Variants in PHF14 observed in about 807,000 individuals in gnomAD.
The protein encoded by PHF14 is PHD finger protein 14.
A neutral mutation model predicts 117.9 loss-of-function variants in PHF14; 55 were observed. The observed-to-expected ratio is 0.47, with a 90% CI of 0.38 to 0.58. The LOEUF is 0.58. PHF14 is among the 20% of genes least tolerant of loss of function. PHF14 has a pLI of 0.00. For missense variants in PHF14, 978 were observed against 1,122.2 expected, an observed-to-expected ratio of 0.87 and a Z score of 1.84; for synonymous variants, 409 against 368.6, an observed-to-expected ratio of 1.11 and a Z score of -1.26.
chr7:11,069,937 ATTCT>A (rs1785556942), intron 16 of PHF14, among the ~76,000 whole-genome samples: 1 of 151,362 alleles, frequency 6.6e-6, no homozygotes, highest in Admixed American at 6.6e-5. Context: ...GTGTTCCCTT[ATTCT>A]TTGTTTTTAA....
chr7:11,088,398 ACACAAACACACACACACACG>A (rs1181989654), intron 16 of PHF14, among the ~76,000 whole-genome samples: 1 of 109,340 alleles, frequency 9.1e-6, no homozygotes, highest in Non-Finnish European at 1.8e-5. Flanking sequence ...GTTCACATAC[ACACAAACACACACACACACG>A]CACACACACA....
intron 17 of PHF14, among the ~76,000 whole-genome samples, chr7:11,126,970 TCC>T (rs754611202): frequency 1.3e-5 from 2 of 152,092 alleles, no homozygotes; most frequent in Non-Finnish European, 2.9e-5. Flanking sequence ...TGCTCTTAAT[TCC>T]AAGACAAGGT....
At chr7:11,105,322 A>G (rs1255710902) in intron 16 of PHF14, 1 of 937,210 alleles carries the variant, frequency 1.1e-6, no homozygotes. Context: ...AATAAATAAT[A>G]AAATATTTAC....
chr7:11,016,883 A>T (rs1373504395), intron 5 of PHF14, among the ~76,000 whole-genome samples: 2 of 151,704 alleles, frequency 1.3e-5, no homozygotes, highest in African/African-American at 4.8e-5. Context: ...TCCCCCCACC[A>T]TTTCACCCTT....
At chr7:11,014,902 T>TA (rs1407949621) in intron 5 of PHF14, 2 of 151,642 alleles carry the variant, frequency 1.3e-5, no homozygotes, top group African/African-American at 2.4e-5. Context: ...TTTTTTTTTT[T>TA]ACAGGAGACT....
At chr7:11,138,216 A>AT (rs1408317355) in intron 17 of PHF14, among the ~76,000 whole-genome samples, 30 of 151,528 alleles carry the variant, frequency 2.0e-4, no homozygotes, top group Middle Eastern at 6.8e-3. Flanking sequence ...AATTTTTTGT[A>AT]TTTTTTAGTA....
intron 16 of PHF14, among the ~76,000 whole-genome samples, chr7:11,079,226 T>A (rs1000621731): frequency 3.9e-4 from 60 of 152,316 alleles, no homozygotes; most frequent in Non-Finnish European, 6.6e-4. Context: ...TGACCTCATG[T>A]ATTATTAATA....
At chr7:11,142,247 C>G (rs948960182) in intron 17 of PHF14, among the ~76,000 whole-genome samples, 2 of 151,962 alleles carry the variant, frequency 1.3e-5, no homozygotes, top group African/African-American at 4.8e-5. Context: ...TCAGTAAACT[C>G]AGGTATCTTC....
chr7:11,080,015 T>A, intron 16 of PHF14, among the ~76,000 whole-genome samples: 1 of 152,128 alleles, frequency 6.6e-6, no homozygotes, highest in East Asian at 1.9e-4. Flanking sequence ...GACTCAGTGG[T>A]CTAAAAGATG....
intron 16 of PHF14, chr7:11,106,612 G>A: frequency 6.1e-6 from 6 of 983,244 alleles, no homozygotes; most frequent in Non-Finnish European, 7.2e-6. Context: ...CTGTTAAGAT[G>A]TTTAATCAAA....
In PHF14 at chr7:11,036,466, G is replaced by A; in HGVS notation, c.1651G>A (p.Ala551Thr). The stretch of plus-strand genomic sequence containing the variant: ...GCAGTATCGTGCCAAAGCAGAACTA[G>A]CTCGATCTACCAGACCCCAGGCCTG... ...LQQYRAKAELARSTRPQAWVP... is the reference protein window; with the variant it reads ...LQQYRAKAELTRSTRPQAWVP... Residue 551 changes from alanine (A) to threonine (T), a missense_variant, in exon 9 of 18, where the codon GCT (alanine) becomes ACT (threonine). Coordinates refer to ENST00000634607, the MANE Select transcript of PHF14 (RefSeq NM_001007157.2). The A allele has an allele frequency of 1.2e-6, 2 of 1,613,770 alleles. No homozygotes were observed. Among genetic ancestry groups the A allele is most frequent in the South Asian group, 2.2e-5 (2 of 91,074 alleles).
intron 17 of PHF14, among the ~76,000 whole-genome samples, chr7:11,154,679 T>A (rs926426914): frequency 4.6e-5 from 7 of 152,126 alleles, no homozygotes; most frequent in African/African-American, 1.7e-4. Flanking sequence ...AATGACAACA[T>A]CATGCAGACT....
At position 11,169,576 on chromosome 7, in the gene PHF14, T is replaced by C. The variant is rs1789305150; in HGVS notation, c.*86T>C. ...AATTGTAAAATGTTAAATTGTAAAA[T>C]CTAATTTGCAAAATGTTCTCAATAA... On this transcript the variant is annotated 3_prime_UTR_variant, in exon 18 of 18. Coordinates refer to ENST00000634607, the MANE Select transcript of PHF14 (RefSeq NM_001007157.2). The C allele has an allele frequency of 1.8e-6, 1 of 565,200 alleles. No homozygotes were observed. The highest frequency in any genetic ancestry group is 4.1e-5 in the Admixed American group (1 of 24,588). 35.0% of individuals were successfully genotyped at this position (565,200 alleles called of 1,614,324 possible). A position where few individuals can be genotyped will look rare whatever the true frequency, so the allele number is the denominator to read the frequency against.
At chr7:11,022,336 G>C (rs1783764927) in intron 5 of PHF14, among the ~76,000 whole-genome samples, 2 of 152,234 alleles carry the variant, frequency 1.3e-5, no homozygotes, top group South Asian at 4.1e-4. Context: ...TGGAAAGGAA[G>C]TTAAAACTGT....
At chr7:11,071,265 C>A (rs1197239387) in intron 16 of PHF14, 2 of 518,558 alleles carry the variant, frequency 3.9e-6, no homozygotes, top group Admixed American at 1.9e-5. Context: ...ATTCCATGTT[C>A]CCAAGTCCAT....
intron 11 of PHF14, 91 bp from the exon 12 acceptor site, chr7:11,040,581 A>G (rs1784470317): frequency 5.8e-6 from 3 of 517,848 alleles, no homozygotes; most frequent in Non-Finnish European, 6.6e-6. Context: ...CAATCCTACT[A>G]TATTTACTTG....
At chr7:10,978,926 A>G (rs1376700362) in intron 2 of PHF14, among the ~76,000 whole-genome samples, 2 of 152,210 alleles carry the variant, frequency 1.3e-5, no homozygotes, top group African/African-American at 4.8e-5. Flanking sequence ...TCTTCAAGAC[A>G]TATACGGTTT....
intron 16 of PHF14, among the ~76,000 whole-genome samples, chr7:11,079,452 G>A (rs923249045): frequency 9.9e-5 from 15 of 152,266 alleles, no homozygotes; most frequent in African/African-American, 3.4e-4. Context: ...CAGTTATGTA[G>A]AAGAATGAAC....
intron 17 of PHF14, among the ~76,000 whole-genome samples, chr7:11,131,122 A>C (rs1788081047): frequency 6.6e-6 from 1 of 151,900 alleles, no homozygotes; most frequent in South Asian, 2.1e-4. Flanking sequence ...TTTGGCAGTT[A>C]TGAATAACGC....
Sources: gnomAD v4.1 joint callset for allele counts (sites outside exome capture counted in the v4.1 genomes callset) on GRCh38, gnomAD v4.1.1 for gene constraint, MANE v1.5 for transcripts, NCBI Gene and HGNC (gene_info 2026-07-23, HGNC 2026-07-21) for gene names.